The following ALMS1 variants were observed in gnomAD, a reference collection of about 807,000 sequenced individuals.
The protein encoded by ALMS1 is ALMS1 centrosome and basal body associated protein.
In ALMS1, 271 loss-of-function variants were observed where a neutral mutation model predicts 352.2. The observed-to-expected ratio is 0.77, with a 90% CI of 0.70 to 0.85. ALMS1 has a LOEUF of 0.85. ALMS1 is among the 40% of genes least tolerant of loss of function. ALMS1 has a pLI of 0.00. For missense variants in ALMS1, 5,445 were observed against 4,870.7 expected (o/e 1.12, Z -3.51); for synonymous variants, 1,865 against 1,761.2 (o/e 1.06, Z -1.48).
At chr2:73,460,496 C>T (rs1423170392) in intron 9 of ALMS1, among the ~76,000 whole-genome samples, 1 of 152,200 alleles carries the variant, frequency 6.6e-6, no homozygotes, top group Admixed American at 6.5e-5. Context: ...CTCCGGTCTA[C>T]AGCTCCCAGT....
Position 73,448,007 on chromosome 2 carries a change from A to T in ALMS1, c.1480A>T (p.Lys494Ter), listed in dbSNP as rs2103771218. Residue 494 changes from lysine (K) to a stop codon, truncating the protein, a stop_gained, in exon 8 of 23, where the codon AAG becomes TAG. Coordinates refer to ENST00000613296, the MANE Select transcript of ALMS1 (RefSeq NM_001378454.1). LOFTEE classifies it high-confidence loss of function. ...AGCTAAAGTTACTCAATCCAACTTG[A>T]AGTCAGGCATCACTACCACTCCTGT... ...GIAKVTQSNL[K>*]SGITTTPVDS... 9.3e-6 allele frequency: 15 copies of T among 1,613,674 alleles called. No homozygotes were observed. Among genetic ancestry groups the T allele is most frequent in the Non-Finnish European group, 1.3e-5 (15 of 1,179,776 alleles).
At chr2:73,485,448 G>A (rs1001665746) in intron 9 of ALMS1, among the ~76,000 whole-genome samples, 1 of 152,248 alleles carries the variant, frequency 6.6e-6, no homozygotes, top group Non-Finnish European at 1.5e-5. Flanking sequence ...ATCTCCAGCT[G>A]TGTGCTGGGA....
chr2:73,441,691 G>T (rs2103757254), intron 7 of ALMS1, among the ~76,000 whole-genome samples: 1 of 152,186 alleles, frequency 6.6e-6, no homozygotes, highest in East Asian at 1.9e-4. Flanking sequence ...ATATAAGAGA[G>T]TTAAAAAGAA....
At chr2:73,551,033 T>TC (rs1381507631) in intron 13 of ALMS1, among the ~76,000 whole-genome samples, 1 of 141,710 alleles carries the variant, frequency 7.1e-6, no homozygotes, top group African/African-American at 3.1e-5. Flanking sequence ...TGATGGGGGG[T>TC]TTTTTGTAGT....
At chr2:73,505,629 T>G (rs1009094403) in intron 10 of ALMS1, among the ~76,000 whole-genome samples, 1 of 152,190 alleles carries the variant, frequency 6.6e-6, no homozygotes, top group African/African-American at 2.4e-5. Flanking sequence ...AAATTAAGTT[T>G]CCTTGATTTT....
At chr2:73,597,818 T>C (rs1558709618) in intron 16 of ALMS1, among the ~76,000 whole-genome samples, 1 of 151,812 alleles carries the variant, frequency 6.6e-6, no homozygotes, top group African/African-American at 2.4e-5. Context: ...GTTGCTGCCA[T>C]TCCTCCTGCC....
chr2:73,441,689 G>C (rs144708483), intron 7 of ALMS1, among the ~76,000 whole-genome samples: 230 of 152,140 alleles, frequency 1.5e-3, no homozygotes, highest in African/African-American at 5.3e-3. Flanking sequence ...AGATATAAGA[G>C]AGTTAAAAAG....
chr2:73,477,070 T>C (rs1043519213), intron 9 of ALMS1, among the ~76,000 whole-genome samples: 2 of 152,170 alleles, frequency 1.3e-5, no homozygotes, highest in Non-Finnish European at 2.9e-5. Flanking sequence ...AGGTTACCTT[T>C]TCACTCTGTT....
chr2:73,480,546 G>C (rs1330758657), intron 9 of ALMS1, among the ~76,000 whole-genome samples: 1 of 152,030 alleles, frequency 6.6e-6, no homozygotes, highest in Non-Finnish European at 1.5e-5. Flanking sequence ...ACGTGTGCAT[G>C]TGTCTTTATA....
chr2:73,591,387 A>C (rs535218937), intron 16 of ALMS1, among the ~76,000 whole-genome samples: 1 of 152,340 alleles, frequency 6.6e-6, no homozygotes, highest in South Asian at 2.1e-4. Context: ...AAAGATTTTT[A>C]AATAAAGTAA....
Position 73,513,125 on chromosome 2 carries a change from A to C in ALMS1, c.9540-6650A>C, listed in dbSNP as rs188846968. On this transcript the variant is annotated intron_variant, in intron 10 of 22. Transcript: ENST00000613296. ...TGCCAACCTCTCCCCAGCAAGGATG[A>C]CCCTAACGCTCCACTTGGATTCAAA... Among the ~76,000 whole-genome samples, 119 of 152,070 alleles carry C rather than the reference A, an allele frequency of 7.8e-4. 2 individuals are homozygous for C. The highest frequency in any genetic ancestry group is 1.5e-3 in the Non-Finnish European group (103 of 67,976).
At position 73,572,842 on chromosome 2, in the gene ALMS1, A is replaced by C; in HGVS notation, c.10965A>C (p.Arg3655Ser). 1 of 1,614,118 alleles carries C rather than the reference A, an allele frequency of 6.2e-7. No homozygotes were observed. The highest frequency in any genetic ancestry group is 1.1e-5 in the South Asian group (1 of 91,078). Reference sequence around the variant, plus strand: ...CAGAAAGTACACATGATGATAGCAGAGGGGAACGAAGTGTGAAGGAATGGA... The same window carrying C: ...CAGAAAGTACACATGATGATAGCAGCGGGGAACGAAGTGTGAAGGAATGGA... Reference protein sequence around the residue: ...QVSESTHDDSRGERSVKEWSG... With the variant: ...QVSESTHDDSSGERSVKEWSG... The change falls in exon 16 of 23, where the codon AGA (arginine) becomes AGC (serine). Residue 3655 changes from arginine to serine, a missense_variant. By Grantham distance (110) the Arg-to-Ser change is moderately radical. Coordinates refer to ENST00000613296, the MANE Select transcript of ALMS1 (RefSeq NM_001378454.1).
chr2:73,449,302 T>G lies in ALMS1; in HGVS notation c.2775T>G (p.Phe925Leu). Reference sequence around the variant, plus strand: ...TTTCCCAGCAGACCCTGCCAGACTTTCTTTTCCCTGAAGAAGCTCTGAAGG... The same window carrying G: ...TTTCCCAGCAGACCCTGCCAGACTTGCTTTTCCCTGAAGAAGCTCTGAAGG... ...IIFSQQTLPDFLFPEEALKVS... is the reference protein window; with the variant it reads ...IIFSQQTLPDLLFPEEALKVS... Residue 925 changes from phenylalanine (F) to leucine (L), a missense_variant, in exon 8 of 23, where the codon TTT (phenylalanine) becomes TTG (leucine). By Grantham distance (22) the Phe-to-Leu change is conservative. Transcript: ENST00000613296. 6.2e-7 allele frequency: 1 copy of G among 1,613,990 alleles called. No individual in the cohort carries two copies. Among genetic ancestry groups the G allele is most frequent in the Non-Finnish European group, 8.5e-7 (1 of 1,179,954 alleles).
At position 73,422,950 on chromosome 2, in the gene ALMS1, G is replaced by A; in HGVS notation, c.740G>A (p.Ser247Asn). Residue 247 changes from serine to asparagine, a missense_variant, in exon 4 of 23, where the codon AGT becomes AAT. Ser to Asn is a conservative substitution (Grantham distance 46, BLOSUM62 1). Transcript: ENST00000613296. ...GCGCCTGATTCTTTATTTCATCAAAGTGAACTAAGTTTTGCACCTCTGAGG... is the reference window on the plus strand; with the variant it reads ...GCGCCTGATTCTTTATTTCATCAAAATGAACTAAGTTTTGCACCTCTGAGG... ...EFAPDSLFHQ[S>N]ELSFAPLRGI... is the part of the protein sequence containing the mutation. 1 of 1,612,970 alleles carries A rather than the reference G, an allele frequency of 6.2e-7. No homozygotes were observed.
At chr2:73,494,270 CCCAAGGGTTGGGAATT>C (rs1673057850) in intron 10 of ALMS1, among the ~76,000 whole-genome samples, 1 of 152,126 alleles carries the variant, frequency 6.6e-6, no homozygotes, top group South Asian at 2.1e-4. Flanking sequence ...AAAGCTCTCA[CCCAAGGGTTGGGAATT>C]CCACAAGGTC....
At position 73,454,298 on chromosome 2, in the gene ALMS1, A is replaced by G. The variant is rs1672014149; in HGVS notation, c.7540+231A>G. 3 of 980,712 alleles carry G rather than the reference A, an allele frequency of 3.1e-6. No individual in the cohort carries two copies. In the African/African-American group the frequency reaches 5.3e-5, roughly 17 times the overall value. 60.8% of individuals were successfully genotyped at this position (980,712 alleles called of 1,614,324 possible). A position where few individuals can be genotyped will look rare whatever the true frequency, so the allele number is the denominator to read the frequency against. ...ATTTAACCAATAATGTAGTTAAGTTACAGTATTAATAGTACCAGCCTGAGT... is the reference window on the plus strand; with the variant it reads ...ATTTAACCAATAATGTAGTTAAGTTGCAGTATTAATAGTACCAGCCTGAGT... On this transcript the variant is annotated intron_variant, in intron 8 of 22. Coordinates refer to ENST00000613296, the MANE Select transcript of ALMS1 (RefSeq NM_001378454.1).
In ALMS1 at chr2:73,453,879, C is replaced by T; in HGVS notation, c.7352C>T (p.Ser2451Leu). 3 of 1,614,098 alleles carry T rather than the reference C, an allele frequency of 1.9e-6. No homozygotes were observed. Among genetic ancestry groups the T allele is most frequent in the Non-Finnish European group, 2.5e-6 (3 of 1,179,984 alleles). The change falls in exon 8 of 23, where the codon TCA (serine) becomes TTA (leucine). Residue 2451 changes from serine to leucine, a missense_variant. Transcript: ENST00000613296. ...CTTCTAAACTTCTTTCCATATGTTTCACCCAAGACAAGTATAACAGATAGC... is the reference window on the plus strand; with the variant it reads ...CTTCTAAACTTCTTTCCATATGTTTTACCCAAGACAAGTATAACAGATAGC... ...DVLLNFFPYV[S>L]PKTSITDSRE...
At chr2:73,491,561 T>G in intron 10 of ALMS1, 63 bp downstream of exon 10, 1 of 1,548,624 alleles carries the variant, frequency 6.5e-7, no homozygotes, top group Non-Finnish European at 8.9e-7. Context: ...TTCAAATACT[T>G]AAGTAGATAT....
rs779295714 is a variant in ALMS1 at position 73,489,687 on chromosome 2, C to T, written c.7728C>T (p.His2576=). The T allele has an allele frequency of 1.2e-6, 2 of 1,614,062 alleles. No homozygotes were observed. Among genetic ancestry groups the T allele is most frequent in the East Asian group, 4.5e-5 (2 of 44,882 alleles). The change falls in exon 10 of 23, where the codon CAC becomes CAT. Residue 2576 remains histidine (H), a synonymous_variant. Coordinates refer to ENST00000613296, the MANE Select transcript of ALMS1 (RefSeq NM_001378454.1). ...GCAAGCCAGAAGCTGTATGTAGTCA[C>T]ATTATTATTGAGAGCCATGAAAAGG... ...MGCKPEAVCS[H]IIIESHEKGC...
Sources: allele counts gnomAD v4.1 joint callset (sites outside exome capture counted in the v4.1 genomes callset), GRCh38; gene constraint gnomAD v4.1.1; transcripts MANE v1.5; gene names NCBI Gene and HGNC (gene_info 2026-07-23, HGNC 2026-07-21).